The following CDKN2AIP variants were observed in gnomAD, a reference collection of about 807,000 sequenced individuals.
The protein encoded by CDKN2AIP is CDKN2A interacting protein.
Under a neutral mutation model 44.1 loss-of-function variants are expected in CDKN2AIP, and 12 were observed. The observed-to-expected ratio is 0.27, with a 90% CI of 0.17 to 0.44. CDKN2AIP has a LOEUF of 0.44. CDKN2AIP is among the 20% of genes least tolerant of loss of function. The probability of loss-of-function intolerance (pLI) is 1.00; values close to 1 mark genes in which losing one functional copy is unlikely to be tolerated. For synonymous variants in CDKN2AIP, 291 were observed against 272.1 expected (o/e 1.07, Z -0.68); for missense variants, 705 against 681.6 (o/e 1.03, Z -0.38).
chr4:183,445,203 T>G (rs1191968869), intron 1 of CDKN2AIP, 134 bp downstream of exon 1: 1 of 1,165,176 alleles, frequency 8.6e-7, no homozygotes, highest in Non-Finnish European at 1.2e-6. Flanking sequence ...CCGGCCCGGC[T>G]GCCCTCTAAG....
chr4:183,446,847 C>G lies in CDKN2AIP; in HGVS notation c.1163C>G (p.Thr388Ser). The change falls in exon 3 of 3, where the codon ACT (threonine) becomes AGT (serine). Residue 388 changes from threonine (T) to serine (S), a missense_variant. By Grantham distance (58) the Thr-to-Ser change is moderately conservative. Transcript: ENST00000504169. ...AGTGGATCTCTGGTTTCCAAAAGCA[C>G]TTCCTTAGCAAGTGTGTCCCAGTTG... ...QTSGSLVSKS[T>S]SLASVSQLAS... 6.2e-7 allele frequency: 1 copy of G among 1,614,202 alleles called. No homozygotes were observed. Among genetic ancestry groups the G allele is most frequent in the Non-Finnish European group, 8.5e-7 (1 of 1,180,026 alleles).
intron 2 of CDKN2AIP, 21 bp downstream of exon 2, chr4:183,445,686 A>C (rs1349087454): frequency 1.3e-6 from 2 of 1,594,994 alleles, no homozygotes; most frequent in African/African-American, 2.7e-5. Context: ...CATAGATGTG[A>C]ACATACATAG....
chr4:183,445,199 C>G, intron 1 of CDKN2AIP, 130 bp downstream of exon 1: 1 of 1,179,862 alleles, frequency 8.5e-7, no homozygotes, highest in Non-Finnish European at 1.2e-6. Flanking sequence ...TCCGCCGGCC[C>G]GGCTGCCCTC....
At chr4:183,445,351 G>C in intron 1 of CDKN2AIP, 184 bp from the exon 2 acceptor site, 1 of 623,920 alleles carries the variant, frequency 1.6e-6, no homozygotes, top group South Asian at 2.0e-5. Flanking sequence ...TTTAAGATTA[G>C]TGAGGAGGTG....
At chr4:183,445,913 C>A in intron 2 of CDKN2AIP, 175 bp from the exon 3 acceptor site, 1 of 644,388 alleles carries the variant, frequency 1.6e-6, no homozygotes, top group Non-Finnish European at 2.7e-6. Context: ...TAATATTAGA[C>A]ATTCATGATG....
chr4:183,445,782 A>G (rs1733653967), intron 2 of CDKN2AIP, 117 bp downstream of exon 2: 3 of 824,580 alleles, frequency 3.6e-6, no homozygotes, highest in Admixed American at 4.8e-5. Context: ...ATTAATAAGT[A>G]ATAAAGTTGG....
Position 183,447,811 on chromosome 4 carries a change from A to C in CDKN2AIP, c.*384A>C, listed in dbSNP as rs986708821. On this transcript the variant is annotated 3_prime_UTR_variant, in exon 3 of 3. Coordinates refer to ENST00000504169, the MANE Select transcript of CDKN2AIP (RefSeq NM_017632.4). Reference sequence around the variant, plus strand: ...CTAGCTGAATAAACCACATCAAAGGAAAGGGACCACAGTATTTGAATGTTT... The same window carrying C: ...CTAGCTGAATAAACCACATCAAAGGCAAGGGACCACAGTATTTGAATGTTT... The C allele has an allele frequency of 1.9e-5, 3 of 156,358 alleles. No homozygotes were observed. Among genetic ancestry groups the C allele is most frequent in the African/African-American group, 7.2e-5 (3 of 41,602 alleles). 9.7% of individuals were successfully genotyped at this position (156,358 alleles called of 1,614,324 possible).
intron 2 of CDKN2AIP, 95 bp downstream of exon 2, chr4:183,445,760 A>T: frequency 1.0e-6 from 1 of 977,964 alleles, no homozygotes; most frequent in Non-Finnish European, 1.6e-6. Context: ...AACAAGCCAG[A>T]ATTTTTATGT....
Position 183,447,093 on chromosome 4 carries a change from C to T in CDKN2AIP, c.1409C>T (p.Ala470Val). 1 of 1,613,622 alleles carries T rather than the reference C, an allele frequency of 6.2e-7. No homozygotes were observed. ...AATCATGGAGAGCTCCTAAATGCAG[C>T]TATTGAGGCTCTGAAAGCAACACTG... ...NVNHGELLNA[A>V]IEALKATLDV... Residue 470 changes from alanine (A) to valine (V), a missense_variant, in exon 3 of 3, where the codon GCT (alanine) becomes GTT (valine). Coordinates refer to ENST00000504169, the MANE Select transcript of CDKN2AIP (RefSeq NM_017632.4).
At position 183,444,705 on chromosome 4, in the gene CDKN2AIP, G is replaced by T; in HGVS notation, c.-93G>T. 1.5e-6 allele frequency: 2 copies of T among 1,314,292 alleles called. No homozygotes were observed. The highest frequency in any genetic ancestry group is 1.6e-5 in the South Asian group (1 of 64,256). 81.4% of individuals were successfully genotyped at this position (1,314,292 alleles called of 1,614,324 possible). On this transcript the variant is annotated 5_prime_UTR_variant, in exon 1 of 3. Coordinates refer to ENST00000504169, the MANE Select transcript of CDKN2AIP (RefSeq NM_017632.4). ...GCCTGCGGAGGGGCGTTATCTGGAG[G>T]GCCGCGGGTGCAGGCCGCAGTGACA...
chr4:183,444,840 G>T lies in CDKN2AIP; in HGVS notation c.43G>T (p.Val15Leu). 1 of 1,565,430 alleles carries T rather than the reference G, an allele frequency of 6.4e-7. No individual in the cohort carries two copies. The highest frequency in any genetic ancestry group is 8.7e-7 in the Non-Finnish European group (1 of 1,154,552). Residue 15 changes from valine (V) to leucine (L), a missense_variant, in exon 1 of 3, where the codon GTG (valine) becomes TTG (leucine). By Grantham distance (32) the Val-to-Leu change is conservative. Transcript: ENST00000504169. ...GGAGTACCTGAGCCAGAACCCGCGG[G>T]TGGCAGCCTGGGTGGAGGCGCTGCG... The part of the protein sequence containing the change: ...VSEYLSQNPR[V>L]AAWVEALRCD...
Position 183,448,863 on chromosome 4 carries a change from T to G in CDKN2AIP, c.*1436T>G, listed in dbSNP as rs147623748. 1.4e-3 allele frequency among the ~76,000 whole-genome samples: 218 copies of G among 152,290 alleles called. No homozygotes were observed. The highest frequency in any genetic ancestry group is 2.3e-3 in the Non-Finnish European group (155 of 68,004). On this transcript the variant is annotated 3_prime_UTR_variant, in exon 3 of 3. Transcript: ENST00000504169. ...AAAAATGATTCATTTTTGAGGATAT[T>G]TAATTGGATACCAAAGCTAAAATCC... is the stretch of plus-strand genomic sequence containing the variant.
At position 183,447,038 on chromosome 4, in the gene CDKN2AIP, G is replaced by C. The variant is rs2111227301; in HGVS notation, c.1354G>C (p.Val452Leu). The change falls in exon 3 of 3, where the codon GTA becomes CTA. Residue 452 changes from valine (V) to leucine (L), a missense_variant. Coordinates refer to ENST00000504169, the MANE Select transcript of CDKN2AIP (RefSeq NM_017632.4). ...ATATAAAACGGTGGCATGGAAGTTG[G>C]TAGCTGTTGGTGGCTTTAGTCCCAA... is the stretch of plus-strand genomic sequence containing the variant. ...RLYKTVAWKL[V>L]AVGGFSPNVN... The C allele has an allele frequency of 1.2e-6, 2 of 1,614,122 alleles. No individual in the cohort carries two copies. The highest frequency in any genetic ancestry group is 3.3e-4 in the Middle Eastern group (2 of 6,062).
At position 183,446,859 on chromosome 4, in the gene CDKN2AIP, G is replaced by A; in HGVS notation, c.1175G>A (p.Ser392Asn). 1 of 1,614,200 alleles carries A rather than the reference G, an allele frequency of 6.2e-7. No individual in the cohort carries two copies. Among genetic ancestry groups the A allele is most frequent in the South Asian group, 1.1e-5 (1 of 91,092 alleles). Residue 392 changes from serine (S) to asparagine (N), a missense_variant, in exon 3 of 3, where the codon AGT becomes AAT. Ser to Asn is a conservative substitution (Grantham distance 46). Transcript: ENST00000504169. ...GTTTCCAAAAGCACTTCCTTAGCAA[G>A]TGTGTCCCAGTTGGCTTCTAAGAGT... is the stretch of plus-strand genomic sequence containing the variant. The part of the protein sequence containing the change: ...SLVSKSTSLA[S>N]VSQLASKSSS...
Position 183,447,047 on chromosome 4 carries a change from G to C in CDKN2AIP, c.1363G>C (p.Gly455Arg). The change falls in exon 3 of 3, where the codon GGT becomes CGT. Residue 455 changes from glycine to arginine, a missense_variant. Gly to Arg is a moderately radical substitution (Grantham distance 125). Coordinates refer to ENST00000504169, the MANE Select transcript of CDKN2AIP (RefSeq NM_017632.4). ...KTVAWKLVAV[G>R]GFSPNVNHGE... ...GGTGGCATGGAAGTTGGTAGCTGTT[G>C]GTGGCTTTAGTCCCAATGTGAATCA... 1.9e-6 allele frequency: 3 copies of C among 1,614,070 alleles called. No homozygotes were observed. Among genetic ancestry groups the C allele is most frequent in the Non-Finnish European group, 2.5e-6 (3 of 1,179,970 alleles).
At position 183,446,497 on chromosome 4, in the gene CDKN2AIP, G is replaced by A. The variant is rs202014271; in HGVS notation, c.813G>A (p.Lys271=). 8.6e-5 allele frequency: 139 copies of A among 1,613,794 alleles called. No individual in the cohort carries two copies. Among genetic ancestry groups the A allele is most frequent in the Non-Finnish European group, 1.2e-4 (136 of 1,179,808 alleles). The change falls in exon 3 of 3, where the codon AAG becomes AAA. Residue 271 remains lysine (K), a synonymous_variant. Transcript: ENST00000504169. ...DSRQQSGSPK[K]SALEGSSASA... ...GACAACAAAGTGGATCACCTAAAAAGAGTGCTTTGGAAGGCTCTTCAGCCT... is the reference window on the plus strand; with the variant it reads ...GACAACAAAGTGGATCACCTAAAAAAAGTGCTTTGGAAGGCTCTTCAGCCT...
chr4:183,447,422 CTATAA>C lies in CDKN2AIP; in HGVS notation c.1740_*1del. On this transcript the variant is annotated frameshift_variant and stop_lost, in exon 3 of 3. Coordinates refer to ENST00000504169, the MANE Select transcript of CDKN2AIP (RefSeq NM_017632.4). LOFTEE classifies it high-confidence loss of function. ...AGCACTAAAACATCCTCAAGAATTA[CTATAA>C]TGTGTCCAAAATATCACTGCATACA... 1 of 1,523,386 alleles carries C rather than the reference CTATAA, an allele frequency of 6.6e-7. No individual in the cohort carries two copies. The highest frequency in any genetic ancestry group is 8.8e-7 in the Non-Finnish European group (1 of 1,140,072). 94.4% of individuals were successfully genotyped at this position (1,523,386 alleles called of 1,614,324 possible).
chr4:183,444,946 G>A lies in CDKN2AIP; in HGVS notation c.149G>A (p.Gly50Asp). Residue 50 changes from glycine (G) to aspartate (D), a missense_variant, in exon 1 of 3, where the codon GGC becomes GAC. Coordinates refer to ENST00000504169, the MANE Select transcript of CDKN2AIP (RefSeq NM_017632.4). The stretch of plus-strand genomic sequence containing the variant: ...AACGCCGGGGACCTGGCCCCCGCTG[G>A]CGGCGCTGCCTCCGCTAGCACGGAT... ...LRNAGDLAPA[G>D]GAASASTDEA... 1 of 1,611,502 alleles carries A rather than the reference G, an allele frequency of 6.2e-7. No individual in the cohort carries two copies. The highest frequency in any genetic ancestry group is 8.5e-7 in the Non-Finnish European group (1 of 1,178,974).
At position 183,445,028 on chromosome 4, in the gene CDKN2AIP, CT is replaced by C; in HGVS notation, c.235del (p.Ser79ProfsTer31). The part of the protein sequence containing the change: ...RNRQLQQLIS[F>X]SMAWANHVFL... ...ACCGGCAGCTGCAGCAGCTCATCTC[CT>C]TTTCCATGGCCTGGGCGAACCACGT... On this transcript the variant is annotated frameshift_variant, in exon 1 of 3. Transcript: ENST00000504169. LOFTEE classifies it high-confidence loss of function. 1 of 1,600,956 alleles carries C rather than the reference CT, an allele frequency of 6.2e-7. No homozygotes were observed. The highest frequency in any genetic ancestry group is 1.7e-5 in the Admixed American group (1 of 59,024).
Sources: gnomAD v4.1 joint callset for allele counts (sites outside exome capture counted in the v4.1 genomes callset) on GRCh38, gnomAD v4.1.1 for gene constraint, MANE v1.5 for transcripts, NCBI Gene and HGNC (gene_info 2026-07-23, HGNC 2026-07-21) for gene names.